MVP: variants seen among roughly 807,000 people sequenced by gnomAD.
MVP encodes major vault protein, also known as lung resistance-related protein.
MVP carries 62 observed loss-of-function variants against 83.5 expected under a neutral mutation model. The ratio of observed to expected loss-of-function variants is 0.74; its 90% CI spans 0.61 to 0.92. The LOEUF (loss-of-function observed/expected upper bound fraction) is 0.92. MVP is among the 40% of genes least tolerant of loss of function. The pLI is 0.00. For missense variants in MVP, 1,000 were observed against 1,203.4 expected (o/e 0.83, Z 2.50); for synonymous variants, 505 against 504.1 (o/e 1.00, Z -0.02).
intron 1 of MVP, among the ~76,000 whole-genome samples, chr16:29,821,980 C>T (rs2067365174): frequency 6.6e-6 from 1 of 152,108 alleles, no homozygotes; most frequent in South Asian, 2.1e-4. Context: ...AATCCCAGTA[C>T]TTTGGGAGGC....
rs769309938 is a variant in MVP at position 29,833,727 on chromosome 16, C to T, written c.322-6C>T. ...GGTTCTGTGTCTCCACCTTCTTCCC[C>T]ACTAGGACATCACACCCCTGCAGGT... On this transcript the variant is annotated splice_polypyrimidine_tract_variant and splice_region_variant and intron_variant, in intron 3 of 14. Coordinates refer to ENST00000357402, the MANE Select transcript of MVP (RefSeq NM_005115.5). 3.2e-5 allele frequency: 52 copies of T among 1,613,832 alleles called. No individual in the cohort carries two copies. Among genetic ancestry groups the T allele is most frequent in the Non-Finnish European group, 4.3e-5 (51 of 1,179,964 alleles).
Position 29,836,924 on chromosome 16 carries a change from G to A in MVP, c.875G>A (p.Gly292Asp). 1 of 1,613,850 alleles carries A rather than the reference G, an allele frequency of 6.2e-7. No homozygotes were observed. Among genetic ancestry groups the A allele is most frequent in the Non-Finnish European group, 8.5e-7 (1 of 1,179,894 alleles). ...ATTCTCGACCCTGTCGGACCGGATGGCAAGAATCAGCTGGGGCAGAAGCGC... is the reference window on the plus strand; with the variant it reads ...ATTCTCGACCCTGTCGGACCGGATGACAAGAATCAGCTGGGGCAGAAGCGC... ...CVILDPVGPD[G>D]KNQLGQKRVV... Residue 292 changes from glycine (G) to aspartate (D), a missense_variant, in exon 7 of 15, where the codon GGC (glycine) becomes GAC (aspartate). By Grantham distance (94) the Gly-to-Asp change is moderately conservative. Transcript: ENST00000357402.
chr16:29,847,119 T>C (rs2150762437), intron 13 of MVP, 78 bp from the exon 14 acceptor site: 1 of 1,486,386 alleles, frequency 6.7e-7, no homozygotes, highest in South Asian at 1.2e-5. Flanking sequence ...GAGCCAGGAG[T>C]TCAAGGCTGC....
At chr16:29,823,797 G>A (rs569542289) in intron 1 of MVP, among the ~76,000 whole-genome samples, 22 of 150,620 alleles carry the variant, frequency 1.5e-4, no homozygotes, top group Admixed American at 3.3e-4. Flanking sequence ...ATCCGAGATC[G>A]TGCCACTGCA....
chr16:29,835,622 C>A (rs943902404), intron 5 of MVP, 82 bp from the exon 6 acceptor site: 2 of 1,138,968 alleles, frequency 1.8e-6, no homozygotes, highest in Non-Finnish European at 2.6e-6. Flanking sequence ...TCTGTCAATC[C>A]CCTGTGTCTA....
Position 29,836,871 on chromosome 16 carries a change from C to T in MVP, c.822C>T (p.Thr274=), listed in dbSNP as rs775745158. ...AGGTGCTGGGGGTTGTGCCCATCAC[C>T]ACCCTGGGCCCCCACAACTACTGCG... The part of the protein sequence containing the change: ...HEEVLGVVPI[T]TLGPHNYCVI... The change falls in exon 7 of 15, where the codon ACC becomes ACT. Residue 274 remains threonine, a synonymous_variant. Transcript: ENST00000357402. 3 of 1,614,038 alleles carry T rather than the reference C, an allele frequency of 1.9e-6. No homozygotes were observed. Among genetic ancestry groups the T allele is most frequent in the Non-Finnish European group, 2.5e-6 (3 of 1,179,998 alleles).
rs200776716 is a variant in MVP at position 29,842,009 on chromosome 16, C to T, written c.1531C>T (p.Arg511Cys). Residue 511 changes from arginine to cysteine, a missense_variant, in exon 10 of 15, where the codon CGC (arginine) becomes TGC (cysteine). Transcript: ENST00000357402. ...TGGGCGGCCCAAGCGTCCCCATGCCCGCCGTGCGCTCTGCCTGCTGCTGGG... is the reference window on the plus strand; with the variant it reads ...TGGGCGGCCCAAGCGTCCCCATGCCTGCCGTGCGCTCTGCCTGCTGCTGGG... Reference protein sequence around the residue: ...SAGRPKRPHARRALCLLLGPD... With the variant: ...SAGRPKRPHACRALCLLLGPD... 168 of 1,611,960 alleles carry T rather than the reference C, an allele frequency of 1.0e-4. No individual in the cohort carries two copies. Among genetic ancestry groups the T allele is most frequent in the Admixed American group, 4.3e-4 (26 of 59,988 alleles).
At chr16:29,831,913 T>C in intron 3 of MVP, 1 of 343,716 alleles carries the variant, frequency 2.9e-6, no homozygotes, top group Non-Finnish European at 5.7e-6. Context: ...CTTTACCTTC[T>C]GGCCATTTAA....
At chr16:29,831,283 A>G (rs1280757910) in intron 3 of MVP, among the ~76,000 whole-genome samples, 1 of 151,998 alleles carries the variant, frequency 6.6e-6, no homozygotes, top group Non-Finnish European at 1.5e-5. Flanking sequence ...CTTCCTCAGT[A>G]GCTGGGATTA....
chr16:29,824,360 G>A (rs1201496871), intron 1 of MVP, among the ~76,000 whole-genome samples: 1 of 152,092 alleles, frequency 6.6e-6, no homozygotes, highest in Non-Finnish European at 1.5e-5. Flanking sequence ...AGTAGATTCA[G>A]TGGCTCTGGG....
At chr16:29,833,617 C>A (rs2067461997) in intron 3 of MVP, 116 bp from the exon 4 acceptor site, 2 of 1,430,688 alleles carry the variant, frequency 1.4e-6, no homozygotes, top group South Asian at 2.6e-5. Flanking sequence ...GCCTCCACCC[C>A]AGTCTTATTT....
At chr16:29,844,996 A>G (rs2067571889) in intron 11 of MVP, 117 bp downstream of exon 11, 1 of 1,361,442 alleles carries the variant, frequency 7.3e-7, no homozygotes, top group East Asian at 2.4e-5. Context: ...TCAAAGATCT[A>G]TTCCCTACCC....
chr16:29,821,322 CAG>C (rs998705650), intron 1 of MVP: 11 of 152,386 alleles, frequency 7.2e-5, no homozygotes, highest in South Asian at 2.1e-4. Flanking sequence ...CCTTGGCACA[CAG>C]AGCACTGGGT....
intron 10 of MVP, 109 bp downstream of exon 10, chr16:29,842,221 T>A: frequency 9.2e-7 from 1 of 1,081,850 alleles, no homozygotes; most frequent in Non-Finnish European, 1.3e-6. Context: ...CAGTGAGCCT[T>A]GATGGCCCCA....
intron 10 of MVP, among the ~76,000 whole-genome samples, chr16:29,844,229 C>T (rs1050994864): frequency 2.0e-5 from 3 of 152,138 alleles, no homozygotes; most frequent in Non-Finnish European, 2.9e-5. Context: ...GTTTTTAGGA[C>T]CTTACCAGGC....
At chr16:29,836,030 C>G (rs1013563913) in intron 6 of MVP, among the ~76,000 whole-genome samples, 1 of 152,064 alleles carries the variant, frequency 6.6e-6, no homozygotes, top group Non-Finnish European at 1.5e-5. Flanking sequence ...ATTTGGAAGG[C>G]TGAGGCAGGA....
intron 3 of MVP, chr16:29,831,621 G>C (rs1289253531): frequency 2.2e-6 from 1 of 456,056 alleles, no homozygotes; most frequent in Admixed American, 2.4e-5. Context: ...TCTGAGAACT[G>C]TTGGCCCATC....
chr16:29,840,423 C>T lies in MVP; in HGVS notation c.1155C>T (p.Asn385=), dbSNP rs143854115. The T allele has an allele frequency of 2.6e-5, 41 of 1,580,392 alleles. No individual in the cohort carries two copies. In the African/African-American group the frequency reaches 3.2e-4, roughly 12 times the overall value. ...EERQAIPLDE[N]EGIYVQDVKT... The stretch of plus-strand genomic sequence containing the variant: ...GCCAGGCCATCCCTCTAGACGAGAA[C>T]GAGGGCATCTATGTGCAGGATGTCA... Residue 385 remains asparagine, a synonymous_variant, in exon 8 of 15, where the codon AAC becomes AAT. Coordinates refer to ENST00000357402, the MANE Select transcript of MVP (RefSeq NM_005115.5).
At chr16:29,827,138 CA>C (rs2067410148) in intron 1 of MVP, among the ~76,000 whole-genome samples, 1 of 151,998 alleles carries the variant, frequency 6.6e-6, no homozygotes, top group Non-Finnish European at 1.5e-5. Context: ...CCTGTGTTCC[CA>C]AACCGCAGAA....
Sources: gnomAD v4.1 joint callset for allele counts (sites outside exome capture counted in the v4.1 genomes callset) on GRCh38, gnomAD v4.1.1 for gene constraint, MANE v1.5 for transcripts, NCBI Gene and HGNC (gene_info 2026-07-23, HGNC 2026-07-21) for gene names.